Variants in DLC1 observed in about 807,000 individuals in gnomAD.
DLC1 encodes rho GTPase-activating protein 7.
DLC1 carries 54 observed loss-of-function variants against 140.3 expected under a neutral mutation model. The ratio of observed to expected loss-of-function variants is 0.38; its 90% confidence interval spans 0.31 to 0.48. The LOEUF (loss-of-function observed/expected upper bound fraction) is 0.48. Ranked by LOEUF, DLC1 falls within the 20% of genes least tolerant of loss-of-function variation. DLC1 has a pLI of 0.96. For synonymous variants in DLC1, 986 were observed against 728.1 expected, an observed-to-expected ratio of 1.35 and a Z score of -5.70; for missense variants, 2,536 against 1,907.0, an observed-to-expected ratio of 1.33 and a Z score of -6.14.
At chr8:13,205,248 C>A (rs1426097828) in intron 5 of DLC1, among the ~76,000 whole-genome samples, 1 of 152,194 alleles carries the variant, frequency 6.6e-6, no homozygotes, top group Non-Finnish European at 1.5e-5. Context: ...AAAATGGGGT[C>A]TGGTACCCCC....
At chr8:13,179,727 A>G (rs1416888606) in intron 5 of DLC1, among the ~76,000 whole-genome samples, 1 of 152,150 alleles carries the variant, frequency 6.6e-6, no homozygotes, top group African/African-American at 2.4e-5. Context: ...TCTCAAAAAA[A>G]CAAAAACACA....
chr8:13,515,224 A>G (rs541100675), upstream of DLC1, among the ~76,000 whole-genome samples: 1 of 152,362 alleles, frequency 6.6e-6, no homozygotes, highest in African/African-American at 2.4e-5. Context: ...AGATCTTTTA[A>G]GAGAGCAAGA....
intron 2 of DLC1, among the ~76,000 whole-genome samples, chr8:13,426,104 T>C (rs1246972649): frequency 6.6e-6 from 1 of 151,124 alleles, no homozygotes; most frequent in Non-Finnish European, 1.5e-5. Flanking sequence ...TGAGCCACCC[T>C]GTATGGCAAT....
chr8:13,207,477 A>G (rs993598944), intron 5 of DLC1, among the ~76,000 whole-genome samples: 12 of 152,186 alleles, frequency 7.9e-5, no homozygotes, highest in African/African-American at 2.9e-4. Flanking sequence ...GCTAAGATTT[A>G]AAAAGCAACT....
rs752937229 is a variant in DLC1 at position 13,393,639 on chromosome 8, G to A, written c.1228C>T (p.Arg410Ter). 1.2e-6 allele frequency: 2 copies of A among 1,613,938 alleles called. No homozygotes were observed. Among genetic ancestry groups the A allele is most frequent in the Non-Finnish European group, 1.7e-6 (2 of 1,180,012 alleles). The change falls in exon 4 of 18, where the codon CGA (arginine) becomes TGA (stop). Residue 410 changes from arginine (R) to a stop codon, truncating the protein, a stop_gained. Transcript: ENST00000276297. LOFTEE classifies it high-confidence loss of function. ...GADTISVNQT[R>*]VNLSSDTEST... Reference sequence around the variant, plus strand: ...TCAGTGTCAGAAGACAAATTTACTCGTGTCTGATTTACTGAAATGGTATCT... The same window carrying A: ...TCAGTGTCAGAAGACAAATTTACTCATGTCTGATTTACTGAAATGGTATCT...
intron 2 of DLC1, among the ~76,000 whole-genome samples, chr8:13,424,373 C>G (rs189389986): frequency 6.6e-6 from 1 of 152,044 alleles, no homozygotes; most frequent in Non-Finnish European, 1.5e-5. Context: ...CCTGTAATCC[C>G]AGGTACTCTG....
chr8:13,204,263 G>T (rs911336245), intron 5 of DLC1, among the ~76,000 whole-genome samples: 1 of 152,130 alleles, frequency 6.6e-6, no homozygotes, highest in African/African-American at 2.4e-5. Flanking sequence ...AGGCTGAGTG[G>T]GCTGGATGGG....
At chr8:13,170,757 G>T (rs1008407437) in intron 5 of DLC1, among the ~76,000 whole-genome samples, 14 of 149,800 alleles carry the variant, frequency 9.3e-5, no homozygotes, top group African/African-American at 3.2e-4. Context: ...AAAAGTTTCT[G>T]TATAATGTGT....
chr8:13,172,864 G>C (rs1272059557), intron 5 of DLC1, among the ~76,000 whole-genome samples: 1 of 152,154 alleles, frequency 6.6e-6, no homozygotes, highest in Non-Finnish European at 1.5e-5. Flanking sequence ...CTCTCATCCC[G>C]AGTTCCTTTT....
intron 7 of DLC1, among the ~76,000 whole-genome samples, chr8:13,107,767 GC>G (rs1819691446): frequency 6.6e-6 from 1 of 152,192 alleles, no homozygotes; most frequent in Admixed American, 6.6e-5. Context: ...AAAGAAAGTT[GC>G]TGGCTGGTCG....
chr8:13,604,322 C>A (rs1353343346), intron 1 of DLC1, among the ~76,000 whole-genome samples: 1 of 152,092 alleles, frequency 6.6e-6, no homozygotes, highest in African/African-American at 2.4e-5. Context: ...AATATAGTTT[C>A]AATCAATGTC....
At chr8:13,295,938 C>CTTTTTTTTTTTTTTTTT (rs34697767) in intron 5 of DLC1, among the ~76,000 whole-genome samples, 1 of 53,344 alleles carries the variant, frequency 1.9e-5, no homozygotes, top group Non-Finnish European at 3.7e-5. Context: ...AGATAAGATT[C>CTTTTTTTTTTTTTTTTT]TTTGTTTTTT....
chr8:13,557,568 A>G (rs549610519), intron 1 of DLC1: 5 of 152,110 alleles, frequency 3.3e-5, no homozygotes, highest in Non-Finnish European at 7.3e-5. Flanking sequence ...TGCTGTTCTT[A>G]TGATAGTGAG....
intron 7 of DLC1, among the ~76,000 whole-genome samples, chr8:13,109,701 T>C (rs893968955): frequency 6.6e-6 from 1 of 151,594 alleles, no homozygotes; most frequent in Non-Finnish European, 1.5e-5. Flanking sequence ...CCTGGCAACA[T>C]GGTGAAACCC....
chr8:13,589,727 C>A (rs1374012491), intron 1 of DLC1, among the ~76,000 whole-genome samples: 1 of 150,458 alleles, frequency 6.6e-6, no homozygotes, highest in Non-Finnish European at 1.5e-5. Flanking sequence ...CTTTCATACA[C>A]CAGTGGGAAC....
chr8:13,212,185 T>A (rs1433439272), intron 5 of DLC1, among the ~76,000 whole-genome samples: 2 of 152,180 alleles, frequency 1.3e-5, no homozygotes, highest in Non-Finnish European at 2.9e-5. Flanking sequence ...CTTCCATTCC[T>A]CTTAACAACA....
intron 1 of DLC1, among the ~76,000 whole-genome samples, chr8:13,546,582 T>C (rs1050690466): frequency 6.6e-6 from 1 of 152,158 alleles, no homozygotes; most frequent in Admixed American, 6.6e-5. Flanking sequence ...CACCAACATG[T>C]CATTCTGCTT....
intron 5 of DLC1, among the ~76,000 whole-genome samples, chr8:13,181,377 T>C (rs1360036115): frequency 1.3e-5 from 2 of 151,360 alleles, no homozygotes; most frequent in African/African-American, 4.9e-5. Flanking sequence ...AGGGTATATG[T>C]GCACAACGTG....
intron 2 of DLC1, among the ~76,000 whole-genome samples, chr8:13,453,428 A>G (rs867870754): frequency 5.5e-4 from 17 of 30,918 alleles, no homozygotes; most frequent in East Asian, 1.3e-3. Context: ...ATATATGTGT[A>G]TATATATATG....
Sources: allele counts gnomAD v4.1 joint callset (sites outside exome capture counted in the v4.1 genomes callset), GRCh38; gene constraint gnomAD v4.1.1; transcripts MANE v1.5; gene names NCBI Gene and HGNC (gene_info 2026-07-23, HGNC 2026-07-21).